EVI2B: variants seen among roughly 807,000 people sequenced by gnomAD.
EVI2B encodes the protein protein EVI2B.
EVI2B carries 4 observed loss-of-function variants against 6.6 expected under a neutral mutation model. The observed-to-expected ratio is 0.61, with a 90% CI of 0.30 to 1.39. The LOEUF (loss-of-function observed/expected upper bound fraction) is 1.39, where lower values mean the gene tolerates loss of function less well. Ranked by LOEUF, EVI2B falls within the 40% of genes most tolerant of loss-of-function variation. EVI2B has a pLI of 0.08. For missense variants in EVI2B, 484 were observed against 516.6 expected (o/e 0.94, Z 0.61); for synonymous variants, 181 against 186.8 (o/e 0.97, Z 0.25).
rs2068686445 is a variant in EVI2B, at chr17:31,305,313, T to C, written c.297A>G (p.Gly99=). Residue 99 remains glycine (G), a synonymous_variant, in exon 2 of 2, where the codon GGA becomes GGG. Transcript: ENST00000330927. ...GTTTGGTGTTGTAGGCAAGTGGTTGTCCAGCAGAAGTATGTGCTTCTGGTT... is the reference window on the plus strand; with the variant it reads ...GTTTGGTGTTGTAGGCAAGTGGTTGCCCAGCAGAAGTATGTGCTTCTGGTT... ...SEKPEAHTSA[G]QPLAYNTKQP... 2.5e-6 allele frequency: 4 copies of C among 1,614,142 alleles called. No homozygotes were observed. The highest frequency in any genetic ancestry group is 2.5e-6 in the Non-Finnish European group (3 of 1,180,020).
At chr17:31,312,938 G>A (rs1567889482) in intron 1 of EVI2B, among the ~76,000 whole-genome samples, 1 of 151,848 alleles carries the variant, frequency 6.6e-6, no homozygotes, top group Non-Finnish European at 1.5e-5. Flanking sequence ...TATTCTATAG[G>A]TTTCTTCTAT....
chr17:31,304,574 C>A lies in EVI2B; in HGVS notation c.1036G>T (p.Asp346Tyr). 2.5e-6 allele frequency: 4 copies of A among 1,614,084 alleles called. No homozygotes were observed. The highest frequency in any genetic ancestry group is 3.4e-6 in the Non-Finnish European group (4 of 1,180,006). ...ADLPPPPPLL[D>Y]LEGQESNQSD... is the part of the protein sequence containing the mutation. ...TGGTTACTTTCCTGTCCTTCCAAAT[C>A]CAGAAGGGGAGGTGGTGGAGGCAGA... is the stretch of plus-strand genomic sequence containing the variant. The change falls in exon 2 of 2, where the codon GAT becomes TAT. Residue 346 changes from aspartate to tyrosine, a missense_variant. Physicochemically the swap from Asp to Tyr is radical, Grantham distance 160. Coordinates refer to ENST00000330927, the MANE Select transcript of EVI2B (RefSeq NM_006495.4).
At chr17:31,311,483 T>C (rs967983079) in intron 1 of EVI2B, among the ~76,000 whole-genome samples, 4 of 152,162 alleles carry the variant, frequency 2.6e-5, no homozygotes, top group African/African-American at 7.2e-5. Context: ...AGTAGTATTA[T>C]CTCTAACTAG....
At chr17:31,310,216 G>A (rs2068832122) in intron 1 of EVI2B, among the ~76,000 whole-genome samples, 2 of 151,652 alleles carry the variant, frequency 1.3e-5, no homozygotes, top group Admixed American at 1.3e-4. Flanking sequence ...AGGAGATTTA[G>A]AATAATATAA....
Position 31,305,052 on chromosome 17 carries a change from T to C in EVI2B, c.558A>G (p.Leu186=). ...GGGTTTGTTTGTTACTGGTAGTATCTAAGATAAATCCTGGTGTACTCCTAG... is the reference window on the plus strand; with the variant it reads ...GGGTTTGTTTGTTACTGGTAGTATCCAAGATAAATCCTGGTGTACTCCTAG... ...NSPRSTPGFI[L]DTTSNKQTPQ... Residue 186 remains leucine, a synonymous_variant, in exon 2 of 2, where the codon TTA becomes TTG. Coordinates refer to ENST00000330927, the MANE Select transcript of EVI2B (RefSeq NM_006495.4). 1 of 1,614,212 alleles carries C rather than the reference T, an allele frequency of 6.2e-7. No homozygotes were observed. Among genetic ancestry groups the C allele is most frequent in the Non-Finnish European group, 8.5e-7 (1 of 1,180,026 alleles).
Position 31,304,298 on chromosome 17 carries a change from C to T in EVI2B, c.1312G>A (p.Glu438Lys). 1 of 1,612,962 alleles carries T rather than the reference C, an allele frequency of 6.2e-7. No homozygotes were observed. The highest frequency in any genetic ancestry group is 2.2e-5 in the East Asian group (1 of 44,866). Residue 438 changes from glutamate (E) to lysine (K), a missense_variant, in exon 2 of 2, where the codon GAA (glutamate) becomes AAA (lysine). Transcript: ENST00000330927. The stretch of plus-strand genomic sequence containing the variant: ...TCTGCAGGTGGAGGTGGCAGGGATT[C>T]ATTAAGATCTTGATCAGAGTTGGGA... ...IPPNSDQDLN[E>K]SLPPPPAELL
At chr17:31,313,090 T>C (rs2068922203) in intron 1 of EVI2B, among the ~76,000 whole-genome samples, 1 of 152,156 alleles carries the variant, frequency 6.6e-6, no homozygotes, top group African/African-American at 2.4e-5. Context: ...ATGTCATCAT[T>C]ATTAAATATA....
intron 1 of EVI2B, among the ~76,000 whole-genome samples, chr17:31,305,923 A>G (rs2068708183): frequency 1.3e-5 from 2 of 152,156 alleles, no homozygotes; most frequent in African/African-American, 4.8e-5. Flanking sequence ...CTCTAGCTTC[A>G]TTATATTTCA....
chr17:31,307,093 G>T (rs1038216963), intron 1 of EVI2B, among the ~76,000 whole-genome samples: 1 of 152,032 alleles, frequency 6.6e-6, no homozygotes, highest in African/African-American at 2.4e-5. Context: ...CACAATCTGG[G>T]CTCACTGCAA....
In EVI2B at chr17:31,304,479, C is replaced by T; in HGVS notation, c.1131G>A (p.Leu377=). Residue 377 remains leucine, a synonymous_variant, in exon 2 of 2, where the codon CTG becomes CTA. Transcript: ENST00000330927. ...PNDSTSLPPS[L]DCLNQDCGDH... ...CTCCACAGTCTTGATTGAGACAGTC[C>T]AGAGATGGAGGGAGACTAGTAGAAT... 6.2e-7 allele frequency: 1 copy of T among 1,614,008 alleles called. No homozygotes were observed. The highest frequency in any genetic ancestry group is 8.5e-7 in the Non-Finnish European group (1 of 1,179,966).
Position 31,305,458 on chromosome 17 carries a change from G to A in EVI2B, c.152C>T (p.Thr51Ile), listed in dbSNP as rs2068693080. 6.2e-7 allele frequency: 1 copy of A among 1,614,076 alleles called. No homozygotes were observed. The highest frequency in any genetic ancestry group is 8.5e-7 in the Non-Finnish European group (1 of 1,180,020). Residue 51 changes from threonine to isoleucine, a missense_variant, in exon 2 of 2, where the codon ACA becomes ATA. By Grantham distance (89) the Thr-to-Ile change is moderately conservative. Coordinates refer to ENST00000330927, the MANE Select transcript of EVI2B (RefSeq NM_006495.4). ...MSQVLANSQN[T>I]TGNPLGQPTQ... ...TGGTTGACCCAAAGGATTCCCTGTT[G>A]TGTTTTGAGAATTAGCCAATACCTG...
intron 1 of EVI2B, among the ~76,000 whole-genome samples, chr17:31,306,486 CA>C (rs1250933081): frequency 5.3e-5 from 8 of 152,116 alleles, no homozygotes; most frequent in Admixed American, 4.6e-4. Flanking sequence ...TTTACCCTCA[CA>C]ACTGACAACT....
At chr17:31,307,125 T>C (rs771195330) in intron 1 of EVI2B, among the ~76,000 whole-genome samples, 3 of 152,090 alleles carry the variant, frequency 2.0e-5, no homozygotes, top group Non-Finnish European at 2.9e-5. Flanking sequence ...CAGGTTCAAC[T>C]GATTCTCCTC....
chr17:31,308,506 C>T (rs892483162), intron 1 of EVI2B, among the ~76,000 whole-genome samples: 2 of 152,172 alleles, frequency 1.3e-5, no homozygotes, highest in Admixed American at 6.5e-5. Flanking sequence ...TCCAGATTCA[C>T]GTATCATGAC....
intron 1 of EVI2B, among the ~76,000 whole-genome samples, chr17:31,313,467 G>C (rs111852611): frequency 1.2e-3 from 179 of 152,218 alleles, no homozygotes; most frequent in African/African-American, 3.9e-3. Context: ...ACTTTGGGAG[G>C]CGGAGGTAAG....
chr17:31,305,759 T>G, intron 1 of EVI2B, 129 bp from the exon 2 acceptor site: 1 of 763,862 alleles, frequency 1.3e-6, no homozygotes, highest in South Asian at 1.9e-5. Flanking sequence ...AGTAGTTGAT[T>G]AGTAGTTATT....
chr17:31,309,277 A>G (rs944486155), intron 1 of EVI2B, among the ~76,000 whole-genome samples: 1 of 152,190 alleles, frequency 6.6e-6, no homozygotes, highest in African/African-American at 2.4e-5. Flanking sequence ...TTTAACCTGT[A>G]TTGGGCTTCT....
chr17:31,307,369 C>T (rs1461259696), intron 1 of EVI2B, among the ~76,000 whole-genome samples: 1 of 152,098 alleles, frequency 6.6e-6, no homozygotes, highest in Non-Finnish European at 1.5e-5. Context: ...AGGAGATGTA[C>T]AGAGAAGTTA....
At chr17:31,310,218 A>G (rs1305960797) in intron 1 of EVI2B, among the ~76,000 whole-genome samples, 1 of 152,184 alleles carries the variant, frequency 6.6e-6, no homozygotes. Context: ...GAGATTTAGA[A>G]TAATATAAAA....
Sources: gnomAD v4.1 joint callset for allele counts (sites outside exome capture counted in the v4.1 genomes callset) on GRCh38, gnomAD v4.1.1 for gene constraint, MANE v1.5 for transcripts, NCBI Gene and HGNC (gene_info 2026-07-23, HGNC 2026-07-21) for gene names.